FLT1: variants seen among roughly 807,000 people sequenced by gnomAD.
FLT1 encodes vascular endothelial growth factor receptor 1.
A neutral mutation model predicts 156.3 loss-of-function variants in FLT1; 49 were observed. The observed-to-expected ratio is 0.31, with a 90% CI of 0.25 to 0.40. The LOEUF (loss-of-function observed/expected upper bound fraction) is 0.40. Among genes scored for constraint, FLT1 ranks in the 10% least tolerant of loss-of-function variants. FLT1 has a pLI of 1.00. For synonymous variants in FLT1, 594 were observed against 583.8 expected, an observed-to-expected ratio of 1.02 and a Z score of -0.25; for missense variants, 1,322 against 1,637.2, an observed-to-expected ratio of 0.81 and a Z score of 3.32.
intron 10 of FLT1, among the ~76,000 whole-genome samples, chr13:28,423,068 C>T (rs776579670): frequency 1.3e-5 from 2 of 152,166 alleles, no homozygotes; most frequent in East Asian, 3.8e-4. Flanking sequence ...GAGCTCAGTC[C>T]TTGGGGGGTT....
In FLT1 at chr13:28,345,466, G is replaced by A. The variant is rs2138859166; in HGVS notation, c.2334C>T (p.Leu778=). 1.2e-6 allele frequency: 2 copies of A among 1,609,070 alleles called. No individual in the cohort carries two copies. The highest frequency in any genetic ancestry group is 1.7e-6 in the Non-Finnish European group (2 of 1,175,806). The change falls in exon 16 of 30, where the codon CTC becomes CTT. Residue 778 remains leucine (L), a synonymous_variant. Transcript: ENST00000282397. ...AATLFWLLLT[L]FIRKMKRSSS... ...TTACCCTTTTCATTTTTCGGATAAA[G>A]AGGGTTAATAGGAGCCAGAAGAGAG...
At chr13:28,450,390 T>C (rs1482608148) in intron 3 of FLT1, among the ~76,000 whole-genome samples, 1 of 152,232 alleles carries the variant, frequency 6.6e-6, no homozygotes, top group Admixed American at 6.5e-5. Context: ...CTTTCTGTGC[T>C]CTCTGGGTTT....
At chr13:28,389,364 G>C in intron 13 of FLT1, 1 of 1,262,974 alleles carries the variant, frequency 7.9e-7, no homozygotes, top group Non-Finnish European at 9.9e-7. Context: ...AGTTTGTGCA[G>C]CTTCAACACT....
At chr13:28,463,600 ATAAT>A (rs1879704934) in intron 3 of FLT1, among the ~76,000 whole-genome samples, 1 of 152,224 alleles carries the variant, frequency 6.6e-6, no homozygotes, top group Admixed American at 6.5e-5. Context: ...ATATTCAACA[ATAAT>A]AAATACATGA....
intron 3 of FLT1, among the ~76,000 whole-genome samples, chr13:28,438,697 A>C (rs1316472551): frequency 6.6e-6 from 1 of 152,230 alleles, no homozygotes; most frequent in Non-Finnish European, 1.5e-5. Flanking sequence ...CAGCTATGCT[A>C]AGTGCCTCAG....
chr13:28,483,426 G>A (rs984620731), intron 1 of FLT1, among the ~76,000 whole-genome samples: 4 of 151,982 alleles, frequency 2.6e-5, no homozygotes, highest in African/African-American at 7.3e-5. Context: ...ACACCATTCC[G>A]TATAATTTCC....
intron 13 of FLT1, chr13:28,386,062 T>C: frequency 9.5e-7 from 1 of 1,054,518 alleles, no homozygotes; most frequent in East Asian, 5.3e-5. Context: ...ACTGACACGT[T>C]CTCTGTCACT....
chr13:28,326,116 T>C (rs572356269), intron 20 of FLT1, among the ~76,000 whole-genome samples: 2 of 152,278 alleles, frequency 1.3e-5, no homozygotes, highest in South Asian at 4.1e-4. Context: ...GTCAATGATG[T>C]TGATGATGAT....
intron 3 of FLT1, among the ~76,000 whole-genome samples, chr13:28,456,527 G>C (rs1593813258): frequency 6.6e-6 from 1 of 152,174 alleles, no homozygotes; most frequent in African/African-American, 2.4e-5. Context: ...GCCGGGCACA[G>C]TGGCTCATGC....
At chr13:28,412,425 CTT>C (rs1430261368) in intron 10 of FLT1, among the ~76,000 whole-genome samples, 1 of 127,308 alleles carries the variant, frequency 7.9e-6, no homozygotes, top group Non-Finnish European at 1.7e-5. Context: ...TTCTCTCTCT[CTT>C]TCTTTCTTTT....
At chr13:28,412,381 T>TTTCCTTCTTTCTTTCC (rs771570277) in intron 10 of FLT1, among the ~76,000 whole-genome samples, 47 of 88,300 alleles carry the variant, frequency 5.3e-4, no homozygotes, top group African/African-American at 1.6e-3. Flanking sequence ...TCTTTCTTTC[T>TTTCCTTCTTTCTTTCC]TTCTTTCTTT....
At chr13:28,384,114 T>G (rs1396952985) in intron 14 of FLT1, among the ~76,000 whole-genome samples, 1 of 152,202 alleles carries the variant, frequency 6.6e-6, no homozygotes, top group Admixed American at 6.5e-5. Flanking sequence ...TACCAAATCC[T>G]TAACATCTGC....
chr13:28,418,520 G>C (rs1215412789), intron 10 of FLT1, among the ~76,000 whole-genome samples: 1 of 152,102 alleles, frequency 6.6e-6, no homozygotes, highest in Non-Finnish European at 1.5e-5. Context: ...GGAGTCCTAT[G>C]GGACACCAGG....
chr13:28,387,622 G>T (rs567683352), intron 13 of FLT1: 1 of 1,064,570 alleles, frequency 9.4e-7, no homozygotes, highest in Non-Finnish European at 1.1e-6. Flanking sequence ...TCTATCCTCC[G>T]TTTGGAATGG....
rs369434906 is a variant in FLT1 at position 28,317,560 on chromosome 13, G to C, written c.3324C>G (p.Asp1108Glu). ...TGCCTTCCCTCAGGCGACTGCAAAA[G>C]TCCTCATCCATTTGTACTCCTGGGT... is the stretch of plus-strand genomic sequence containing the variant. ...SPYPGVQMDE[D>E]FCSRLREGMR... The change falls in exon 25 of 30, where the codon GAC becomes GAG. Residue 1108 changes from aspartate to glutamate, a missense_variant. Around this residue, in one of 3 missense-constraint regions of FLT1, gnomAD observed 329 missense variants for 366.2 expected, o/e 0.90. Transcript: ENST00000282397. The C allele has an allele frequency of 1.8e-5, 29 of 1,613,900 alleles. No individual in the cohort carries two copies. Among genetic ancestry groups the C allele is most frequent in the Non-Finnish European group, 2.5e-5 (29 of 1,179,906 alleles).
intron 3 of FLT1, 88 bp downstream of exon 3, chr13:28,466,815 G>A: frequency 2.1e-6 from 2 of 944,606 alleles, no homozygotes; most frequent in Non-Finnish European, 1.7e-6. Context: ...ATACTCACTA[G>A]GAAAGCAACC....
At chr13:28,372,648 C>T (rs1243011952) in intron 14 of FLT1, among the ~76,000 whole-genome samples, 1 of 140,706 alleles carries the variant, frequency 7.1e-6, no homozygotes, top group Non-Finnish European at 1.5e-5. Flanking sequence ...CTTTGGGAGG[C>T]CAAGGTGGGC....
At chr13:28,453,553 G>A (rs1879101298) in intron 3 of FLT1, among the ~76,000 whole-genome samples, 1 of 152,192 alleles carries the variant, frequency 6.6e-6, no homozygotes, top group Admixed American at 6.5e-5. Context: ...CAGTACTAGG[G>A]TAGTTAGTGG....
At chr13:28,307,850 C>A (rs903449477) in intron 28 of FLT1, among the ~76,000 whole-genome samples, 1 of 152,082 alleles carries the variant, frequency 6.6e-6, no homozygotes, top group Non-Finnish European at 1.5e-5. Context: ...CGGCTCACTG[C>A]AACCTCCGCC....
Sources: gnomAD v4.1 joint callset for allele counts (sites outside exome capture counted in the v4.1 genomes callset) on GRCh38, gnomAD v4.1.1 for gene constraint, gnomAD v4.1.1 regional missense constraint, MANE v1.5 for transcripts, NCBI Gene and HGNC (gene_info 2026-07-23, HGNC 2026-07-21) for gene names.